Variants in LSS observed in about 807,000 individuals in gnomAD.
LSS encodes the protein 2,3-epoxysqualene-lanosterol cyclase.
Under a neutral mutation model 110.3 loss-of-function variants are expected in LSS, and 90 were observed. The observed-to-expected ratio is 0.82, with a 90% CI of 0.69 to 0.97. The LOEUF (loss-of-function observed/expected upper bound fraction) is 0.97. Among genes scored for constraint, LSS ranks in the 50% least tolerant of loss-of-function variants. The pLI, the probability that LSS is intolerant of heterozygous loss-of-function variation, is 0.00. For missense variants in LSS, 927 were observed against 990.0 expected, an observed-to-expected ratio of 0.94 and a Z score of 0.85; for synonymous variants, 433 against 400.0, an observed-to-expected ratio of 1.08 and a Z score of -0.98.
intron 3 of LSS, 73 bp from the exon 4 acceptor site, chr21:46,222,811 TGAGCAC>T: frequency 9.0e-7 from 1 of 1,116,582 alleles, no homozygotes; most frequent in Admixed American, 1.9e-5. Flanking sequence ...CCTTTCCTCC[TGAGCAC>T]CTCACTCCAA....
chr21:46,211,049 C>A (rs2080123894), intron 11 of LSS, among the ~76,000 whole-genome samples: 3 of 152,198 alleles, frequency 2.0e-5, no homozygotes. Flanking sequence ...GAGGCTCCAG[C>A]ACCTACACAT....
intron 9 of LSS, among the ~76,000 whole-genome samples, chr21:46,214,642 A>G (rs1601437837): frequency 6.6e-6 from 1 of 152,262 alleles, no homozygotes; most frequent in African/African-American, 2.4e-5. Flanking sequence ...GCGGCCACGC[A>G]CCAGCACAGC....
chr21:46,224,372 G>A (rs2080312330), intron 3 of LSS, among the ~76,000 whole-genome samples: 1 of 151,686 alleles, frequency 6.6e-6, no homozygotes, highest in Non-Finnish European at 1.5e-5. Context: ...TCCGTGCATT[G>A]GTGGCAGTGG....
rs1419591319 is a variant in LSS at position 46,209,024 on chromosome 21, G to A, written c.1266+530C>T. Among the ~76,000 whole-genome samples, 1 of 152,310 alleles carries A rather than the reference G, an allele frequency of 6.6e-6. No homozygotes were observed. The highest frequency in any genetic ancestry group is 1.9e-4 in the East Asian group (1 of 5,176). On this transcript the variant is annotated intron_variant, in intron 13 of 21. Transcript: ENST00000397728. The surrounding 1 kb of genome is among the most constrained non-coding windows in gnomAD (Gnocchi z 4.4). ...TGTGGGAGACACGGGAGGTTGGGGC[G>A]CATGTATGGGATGACTGTGGCTGCA...
In LSS at chr21:46,215,340, C is replaced by CCA. The variant is rs1461600750; in HGVS notation, c.893-43_893-42insTG. 11 of 1,379,328 alleles carry CCA rather than the reference C, an allele frequency of 8.0e-6. No individual in the cohort carries two copies. In the Admixed American group the frequency reaches 1.1e-4, roughly 14 times the overall value. The allele number at this position is 1,379,328 out of a possible 1,614,324, so 85.4% of individuals were successfully genotyped here. ...TCAGTGGATGCCAGACACCATGACA[C>CCA]TGGCCTCAGCCTGGAGCTCCATGCA... On this transcript the variant is annotated intron_variant, in intron 8 of 21. Coordinates refer to ENST00000397728, the MANE Select transcript of LSS (RefSeq NM_002340.6).
chr21:46,211,566 C>T (rs914663148), intron 11 of LSS, among the ~76,000 whole-genome samples: 10 of 152,164 alleles, frequency 6.6e-5, no homozygotes, highest in Non-Finnish European at 1.0e-4. Flanking sequence ...GGTGACCAAA[C>T]CCTAGTGAGA....
Position 46,188,933 on chromosome 21 carries a change from T to A in LSS, c.*2171A>T. 1 of 378,290 alleles carries A rather than the reference T, an allele frequency of 2.6e-6. No homozygotes were observed. The highest frequency in any genetic ancestry group is 3.5e-5 in the Admixed American group (1 of 28,402). 23.4% of individuals were successfully genotyped at this position (378,290 alleles called of 1,614,324 possible). ...GCCTTTAAAACATATTAAAATAGGC[T>A]ATGCTATTATCTCTTAAAATATCTG... is the stretch of plus-strand genomic sequence containing the variant. On this transcript the variant is annotated 3_prime_UTR_variant, in exon 22 of 22. Coordinates refer to ENST00000397728, the MANE Select transcript of LSS (RefSeq NM_002340.6).
intron 3 of LSS, chr21:46,225,490 T>A (rs1014772546): frequency 6.9e-6 from 3 of 434,206 alleles, no homozygotes; most frequent in African/African-American, 6.1e-5. Context: ...AAGACTCTAC[T>A]CCTCCACCTC....
At chr21:46,212,661 A>G (rs961200043) in intron 11 of LSS, among the ~76,000 whole-genome samples, 1 of 152,238 alleles carries the variant, frequency 6.6e-6, no homozygotes, top group African/African-American at 2.4e-5. Context: ...CTTTAAGAAG[A>G]AGCCCCTTAA....
chr21:46,205,054 A>G (rs2080027497), intron 17 of LSS, among the ~76,000 whole-genome samples: 1 of 152,216 alleles, frequency 6.6e-6, no homozygotes, highest in Admixed American at 6.5e-5. Context: ...CACATACCCT[A>G]TAACGTACCC....
rs76588249 is a variant in LSS at position 46,195,193 on chromosome 21, G to A, written c.1817+483C>T. 4.8e-3 allele frequency among the ~76,000 whole-genome samples: 726 copies of A among 152,312 alleles called. 27 individuals carry two copies. In the South Asian group the frequency reaches 0.079, roughly 17 times the overall value. On this transcript the variant is annotated intron_variant, in intron 19 of 21. Coordinates refer to ENST00000397728, the MANE Select transcript of LSS (RefSeq NM_002340.6). ...CCTGGAGGGGCCGGAGACCAGAAGCGTCCCTCCAGCATACATGTCAGGAAG... is the reference window on the plus strand; with the variant it reads ...CCTGGAGGGGCCGGAGACCAGAAGCATCCCTCCAGCATACATGTCAGGAAG...
At chr21:46,221,233 G>A (rs2080276140) in intron 5 of LSS, among the ~76,000 whole-genome samples, 1 of 151,990 alleles carries the variant, frequency 6.6e-6, no homozygotes, top group South Asian at 2.1e-4. Flanking sequence ...CTTGGAAGGT[G>A]CAAGCTCCAG....
chr21:46,191,898 T>G lies in LSS; in HGVS notation c.2050A>C (p.Asn684His), dbSNP rs765436260. Residue 684 changes from asparagine to histidine, a missense_variant, in exon 21 of 22, where the codon AAT (asparagine) becomes CAT (histidine). Transcript: ENST00000397728. ...VRCLLEKQLP[N>H]GDWPQENIAG... ...CGGCATACCTGCGGCCAGTCGCCATTGGGGAGCTGTTTCTCAAGTAGACAC... is the reference window on the plus strand; with the variant it reads ...CGGCATACCTGCGGCCAGTCGCCATGGGGGAGCTGTTTCTCAAGTAGACAC... 45 of 1,613,352 alleles carry G rather than the reference T, an allele frequency of 2.8e-5. No homozygotes were observed. Among genetic ancestry groups the G allele is most frequent in the Non-Finnish European group, 1.5e-5 (18 of 1,179,860 alleles).
chr21:46,216,544 C>A lies in LSS; in HGVS notation c.648-20G>T. On this transcript the variant is annotated intron_variant, in intron 6 of 21. Transcript: ENST00000397728. This position sits in a 1 kb window ranked among gnomAD's most constrained non-coding sequence, Gnocchi z 4.2. ...AACAGCCTGGGGCAACAGCAGGAGTCAGTGGGAGACCCCAAGACTCAAGCC... is the reference window on the plus strand; with the variant it reads ...AACAGCCTGGGGCAACAGCAGGAGTAAGTGGGAGACCCCAAGACTCAAGCC... 1 of 1,574,544 alleles carries A rather than the reference C, an allele frequency of 6.4e-7. No homozygotes were observed. Among genetic ancestry groups the A allele is most frequent in the South Asian group, 1.2e-5 (1 of 86,846 alleles).
chr21:46,225,777 G>A (rs558417868), intron 3 of LSS, among the ~76,000 whole-genome samples: 19 of 152,250 alleles, frequency 1.2e-4, no homozygotes, highest in African/African-American at 3.4e-4. Context: ...CAGTGGACAC[G>A]TGACCCATGT....
Position 46,222,768 on chromosome 21 carries a change from G to C in LSS, c.320-30C>G, listed in dbSNP as rs1303485929. On this transcript the variant is annotated intron_variant, in intron 3 of 21. Coordinates refer to ENST00000397728, the MANE Select transcript of LSS (RefSeq NM_002340.6). ...GTGGCAGGAGAGATGTTCCTCACTGGGGACAGGTGGTCATGACTGCTAAGA... is the reference window on the plus strand; with the variant it reads ...GTGGCAGGAGAGATGTTCCTCACTGCGGACAGGTGGTCATGACTGCTAAGA... 6 of 1,558,256 alleles carry C rather than the reference G, an allele frequency of 3.9e-6. No homozygotes were observed. In the Admixed American group the frequency reaches 6.7e-5, roughly 17 times the overall value.
intron 6 of LSS, among the ~76,000 whole-genome samples, chr21:46,217,417 T>C (rs1315626008): frequency 6.6e-6 from 1 of 152,076 alleles, no homozygotes; most frequent in Non-Finnish European, 1.5e-5. Context: ...CTAGCCCCCA[T>C]CCTTATGTGA....
chr21:46,223,216 A>T (rs1024379987), intron 3 of LSS, among the ~76,000 whole-genome samples: 6 of 152,172 alleles, frequency 3.9e-5, no homozygotes, highest in Admixed American at 1.3e-4. Flanking sequence ...CTGTTTCAAA[A>T]TTTTTTTACA....
chr21:46,191,946 C>T lies in LSS; in HGVS notation c.2002G>A (p.Glu668Lys), dbSNP rs781732225. ...CACCGGACTCCTCTCTCCTGGGCCT[C>T]GATGTCAGGATGCCTGGTGGAAGAG... ...GLMAVRHPDIEAQERGVRCLL... is the reference protein window; with the variant it reads ...GLMAVRHPDIKAQERGVRCLL... The change falls in exon 21 of 22, where the codon GAG becomes AAG. Residue 668 changes from glutamate to lysine, a missense_variant. Physicochemically the swap from Glu to Lys is moderately conservative, Grantham distance 56 (BLOSUM62 1). Coordinates refer to ENST00000397728, the MANE Select transcript of LSS (RefSeq NM_002340.6). 8 of 1,613,442 alleles carry T rather than the reference C, an allele frequency of 5.0e-6. No homozygotes were observed. In the East Asian group the frequency reaches 6.7e-5, roughly 13 times the overall value.
Sources: allele counts gnomAD v4.1 joint callset (sites outside exome capture counted in the v4.1 genomes callset), GRCh38; gene constraint gnomAD v4.1.1; non-coding constraint Gnocchi (gnomAD v3.1); transcripts MANE v1.5; gene names NCBI Gene and HGNC (gene_info 2026-07-23, HGNC 2026-07-21).